The following DEPTOR variants were observed in gnomAD, a reference collection of about 807,000 sequenced individuals.
DEPTOR encodes DEP domain containing MTOR interacting protein, also known as DEP domain-containing mTOR-interacting protein.
In DEPTOR, 41 loss-of-function variants were observed where a neutral mutation model predicts 41.6. The observed-to-expected ratio is 0.98, with a 90% CI of 0.77 to 1.28. The LOEUF (loss-of-function observed/expected upper bound fraction) is 1.28. Ranked by LOEUF, DEPTOR falls within the 50% of genes most tolerant of loss-of-function variation. The pLI, the probability that DEPTOR is intolerant of heterozygous loss-of-function variation, is 0.00. For missense variants in DEPTOR, 514 were observed against 527.9 expected (o/e 0.97, Z 0.26); for synonymous variants, 195 against 192.3 (o/e 1.01, Z -0.12).
intron 1 of DEPTOR, among the ~76,000 whole-genome samples, chr8:119,903,126 T>C (rs2129756081): frequency 6.6e-6 from 1 of 152,282 alleles, no homozygotes; most frequent in East Asian, 1.9e-4. Context: ...TTTGAGATAG[T>C]CTTGCTCTGT....
intron 4 of DEPTOR, among the ~76,000 whole-genome samples, chr8:119,981,229 GAATT>G (rs1828763207): frequency 6.6e-6 from 1 of 152,168 alleles, no homozygotes; most frequent in Admixed American, 6.5e-5. Context: ...CTTCCAAACT[GAATT>G]AACACCAAAT....
At chr8:119,892,853 G>GCT (rs1435828513) in intron 1 of DEPTOR, among the ~76,000 whole-genome samples, 3 of 151,914 alleles carry the variant, frequency 2.0e-5, no homozygotes, top group African/African-American at 7.3e-5. Context: ...CACGATCTTG[G>GCT]CTCACTGCAA....
chr8:119,887,114 CCTCCCCCTCCCCTCCCCCCCCCCTCCCCT>C (rs1827375158), intron 1 of DEPTOR, among the ~76,000 whole-genome samples: 1 of 16,016 alleles, frequency 6.2e-5, no homozygotes, highest in Non-Finnish European at 1.3e-4. Context: ...CTTCCCCTCC[CCTCCCCCTCCCCTCCCCCCCCCCTCCCCT>C]CCTCCCCTCC....
At chr8:119,905,862 C>G (rs558841946) in intron 1 of DEPTOR, among the ~76,000 whole-genome samples, 1 of 152,036 alleles carries the variant, frequency 6.6e-6, no homozygotes, top group Non-Finnish European at 1.5e-5. Context: ...AGGGTGGTCT[C>G]GAACTCCTCA....
intron 1 of DEPTOR, among the ~76,000 whole-genome samples, chr8:119,917,055 C>A (rs1242825177): frequency 6.6e-6 from 1 of 152,168 alleles, no homozygotes; most frequent in Non-Finnish European, 1.5e-5. Context: ...TAGACGTGAG[C>A]CATGGTGTGG....
intron 4 of DEPTOR, among the ~76,000 whole-genome samples, chr8:119,987,338 T>C (rs763342043): frequency 6.6e-6 from 1 of 152,206 alleles, no homozygotes; most frequent in Non-Finnish European, 1.5e-5. Flanking sequence ...AGACCCTCTT[T>C]GCCTGGGTAT....
chr8:120,044,573 C>G (rs773619942), intron 8 of DEPTOR, among the ~76,000 whole-genome samples: 9 of 152,144 alleles, frequency 5.9e-5, no homozygotes, highest in Non-Finnish European at 1.2e-4. Context: ...TCAGATGACC[C>G]TGTGAATAGG....
At chr8:120,011,926 T>C (rs1259578035) in intron 8 of DEPTOR, among the ~76,000 whole-genome samples, 3 of 152,220 alleles carry the variant, frequency 2.0e-5, no homozygotes, top group Non-Finnish European at 4.4e-5. Flanking sequence ...ATCACTGTAT[T>C]ATTACACAGC....
intron 1 of DEPTOR, among the ~76,000 whole-genome samples, chr8:119,912,185 G>A (rs936514883): frequency 1.3e-5 from 2 of 152,182 alleles, no homozygotes; most frequent in South Asian, 4.1e-4. Flanking sequence ...TGAAAAGGGA[G>A]TAGCCTAAAT....
At chr8:119,910,007 A>T (rs6469872) in intron 1 of DEPTOR, among the ~76,000 whole-genome samples, 6 of 152,034 alleles carry the variant, frequency 3.9e-5, no homozygotes, top group Admixed American at 3.9e-4. Flanking sequence ...GGCTGTTGAT[A>T]ATGGCTTTGG....
At chr8:119,907,791 A>C (rs1377223235) in intron 1 of DEPTOR, among the ~76,000 whole-genome samples, 8 of 152,196 alleles carry the variant, frequency 5.3e-5, no homozygotes, top group Admixed American at 5.2e-4. Context: ...AAAACAAAAA[A>C]AAAGGGAAGA....
intron 3 of DEPTOR, among the ~76,000 whole-genome samples, chr8:119,946,960 A>G (rs1262626996): frequency 6.6e-6 from 1 of 152,146 alleles, no homozygotes; most frequent in Non-Finnish European, 1.5e-5. Flanking sequence ...TCAGACTGTC[A>G]TCCAGCCTCT....
chr8:119,910,768 G>A (rs1195097733), intron 1 of DEPTOR, among the ~76,000 whole-genome samples: 1 of 152,080 alleles, frequency 6.6e-6, no homozygotes, highest in Non-Finnish European at 1.5e-5. Flanking sequence ...CTCACATTCT[G>A]TTAGACATAA....
intron 4 of DEPTOR, among the ~76,000 whole-genome samples, chr8:119,968,146 G>T (rs1394522053): frequency 1.3e-5 from 2 of 152,250 alleles, no homozygotes; most frequent in South Asian, 4.1e-4. Context: ...AGCAATTAGA[G>T]AACAGTAGAA....
intron 1 of DEPTOR, among the ~76,000 whole-genome samples, chr8:119,897,176 C>G (rs562121553): frequency 6.6e-6 from 1 of 152,218 alleles, no homozygotes; most frequent in South Asian, 2.1e-4. Context: ...TGCATATCCC[C>G]AGACTGGATG....
In DEPTOR at chr8:119,876,666, G is replaced by A. The variant is rs1320963993; in HGVS notation, c.122+2698G>A. Among the ~76,000 whole-genome samples the A allele has an allele frequency of 3.3e-5, 5 of 151,802 alleles. No individual in the cohort carries two copies. In the South Asian group the frequency reaches 1.0e-3, roughly 32 times the overall value. On this transcript the variant is annotated intron_variant, in intron 1 of 8. Transcript: ENST00000286234. The stretch of plus-strand genomic sequence containing the variant: ...AAAAAAAAAAGAAGAAGAAGGATGG[G>A]TAATAATGGAATTTACCTCATAGTG...
intron 1 of DEPTOR, among the ~76,000 whole-genome samples, chr8:119,883,435 A>T (rs1349988453): frequency 7.0e-6 from 1 of 143,574 alleles, no homozygotes. Flanking sequence ...AGATCGCGCC[A>T]CTGCACTCCA....
intron 8 of DEPTOR, among the ~76,000 whole-genome samples, chr8:120,020,689 T>C (rs1370871255): frequency 6.6e-6 from 1 of 152,206 alleles, no homozygotes; most frequent in Non-Finnish European, 1.5e-5. Context: ...ATGGGGGGTT[T>C]GAGTCTTAGC....
chr8:119,982,844 C>T (rs1057129153), intron 4 of DEPTOR, among the ~76,000 whole-genome samples: 1 of 152,200 alleles, frequency 6.6e-6, no homozygotes, highest in Non-Finnish European at 1.5e-5. Flanking sequence ...TCCTACATCT[C>T]ATGGGCCAGA....
Sources: gnomAD v4.1 joint callset for allele counts (sites outside exome capture counted in the v4.1 genomes callset) on GRCh38, gnomAD v4.1.1 for gene constraint, MANE v1.5 for transcripts, NCBI Gene and HGNC (gene_info 2026-07-23, HGNC 2026-07-21) for gene names.